THADA: variants seen among roughly 807,000 people sequenced by gnomAD.
THADA encodes the protein tRNA (32-2'-O)-methyltransferase regulator THADA.
Under a neutral mutation model 219.8 loss-of-function variants are expected in THADA, and 213 were observed. The observed-to-expected ratio is 0.97, with a 90% CI of 0.87 to 1.09. THADA has a LOEUF of 1.09. Ranked by LOEUF, THADA falls within the 50% of genes least tolerant of loss-of-function variation. The pLI is 0.00. For missense variants in THADA, 2,956 were observed against 2,311.3 expected, an observed-to-expected ratio of 1.28 and a Z score of -5.72; for synonymous variants, 1,018 against 828.9, an observed-to-expected ratio of 1.23 and a Z score of -3.92.
chr2:43,322,549 A>C (rs1016041572), intron 30 of THADA, among the ~76,000 whole-genome samples: 4 of 151,522 alleles, frequency 2.6e-5, no homozygotes, highest in Admixed American at 2.6e-4. Context: ...ATAATTGAAA[A>C]AGCACAAAAG....
In THADA at chr2:43,440,226, T is replaced by C. The variant is rs1573657667; in HGVS notation, c.3837-9924A>G. Among the ~76,000 whole-genome samples, 3 of 152,328 alleles carry C rather than the reference T, an allele frequency of 2.0e-5. No homozygotes were observed. The South Asian group carries it at 6.2e-4, about 32-fold the overall frequency. On this transcript the variant is annotated intron_variant, in intron 26 of 37. Coordinates refer to ENST00000405975, the MANE Select transcript of THADA (RefSeq NM_022065.5). Reference sequence around the variant, plus strand: ...TATACACTTTTCTGCACCTTGAGTTTTTTTTCACCTAATCTGCAAAATTAT... The same window carrying C: ...TATACACTTTTCTGCACCTTGAGTTCTTTTTCACCTAATCTGCAAAATTAT...
rs374567530 is a variant in THADA, at chr2:43,575,019, T to C, written c.1046A>G (p.Glu349Gly). Residue 349 changes from glutamate to glycine, a missense_variant, in exon 11 of 38, where the codon GAG becomes GGG. Coordinates refer to ENST00000405975, the MANE Select transcript of THADA (RefSeq NM_022065.5). The part of the protein sequence containing the change: ...VLFTLSSQIK[E>G]PTLEMFLSRI... ...AGACAGAAACATTTCCAGCGTTGGCTCTTTAATCCTGAAGAAAAATGAGCC... is the reference window on the plus strand; with the variant it reads ...AGACAGAAACATTTCCAGCGTTGGCCCTTTAATCCTGAAGAAAAATGAGCC... The C allele has an allele frequency of 1.0e-4, 166 of 1,599,094 alleles. 1 individual carries two copies. The African/African-American group carries it at 2.1e-3, about 20-fold the overall frequency.
chr2:43,564,587 G>C (rs1184111303), intron 15 of THADA: 2 of 152,192 alleles, frequency 1.3e-5, no homozygotes, highest in African/African-American at 4.8e-5. Context: ...TATCTGCAAG[G>C]ACCCTTCTTC....
At chr2:43,359,647 T>C (rs964442421) in intron 29 of THADA, among the ~76,000 whole-genome samples, 2 of 152,226 alleles carry the variant, frequency 1.3e-5, no homozygotes, top group Admixed American at 1.3e-4. Flanking sequence ...GCCACTGCAC[T>C]CCAGCCTAGG....
chr2:43,285,079 G>A (rs1194875530), intron 35 of THADA, among the ~76,000 whole-genome samples: 4 of 152,202 alleles, frequency 2.6e-5, no homozygotes, highest in African/African-American at 7.2e-5. Context: ...AGGCTCATGG[G>A]TGGAAGGGAG....
intron 36 of THADA, among the ~76,000 whole-genome samples, chr2:43,233,649 G>A (rs376491332): frequency 6.6e-6 from 1 of 152,120 alleles, no homozygotes; most frequent in Non-Finnish European, 1.5e-5. Flanking sequence ...GGCACTGAAA[G>A]AATAGAAGGG....
At chr2:43,591,045 G>A in intron 3 of THADA, 91 bp from the exon 4 acceptor site, 1 of 1,250,570 alleles carries the variant, frequency 8.0e-7, no homozygotes, top group Non-Finnish European at 1.1e-6. Context: ...CAATTGCTGG[G>A]TACAGTGGCT....
At chr2:43,395,182 G>GTGGA (rs1673877359) in intron 29 of THADA, among the ~76,000 whole-genome samples, 2 of 152,254 alleles carry the variant, frequency 1.3e-5, no homozygotes, top group Admixed American at 6.5e-5. Flanking sequence ...TCAGCCAAGA[G>GTGGA]TGGATCTTCA....
intron 17 of THADA, among the ~76,000 whole-genome samples, chr2:43,552,571 T>G (rs925236762): frequency 6.6e-6 from 1 of 152,158 alleles, no homozygotes; most frequent in Non-Finnish European, 1.5e-5. Flanking sequence ...CTCTTAGTCC[T>G]TCCTCCTAAA....
At chr2:43,294,641 G>T (rs949106504) in intron 31 of THADA, among the ~76,000 whole-genome samples, 21 of 152,178 alleles carry the variant, frequency 1.4e-4, no homozygotes, top group African/African-American at 4.6e-4. Context: ...AGTAAGGTCA[G>T]GGGCCCATTT....
chr2:43,461,065 C>A (rs976569471), intron 26 of THADA, among the ~76,000 whole-genome samples: 1 of 152,144 alleles, frequency 6.6e-6, no homozygotes, highest in Non-Finnish European at 1.5e-5. Flanking sequence ...GAGCAAAAAC[C>A]TCTCGTAGAA....
chr2:43,347,213 CCT>C (rs1667728121), intron 29 of THADA, among the ~76,000 whole-genome samples: 1 of 152,104 alleles, frequency 6.6e-6, no homozygotes, highest in African/African-American at 2.4e-5. Flanking sequence ...GGCAACTTAA[CCT>C]CTGTTTCTCC....
At chr2:43,532,491 T>A (rs1442375041) in intron 21 of THADA, among the ~76,000 whole-genome samples, 1 of 147,112 alleles carries the variant, frequency 6.8e-6, no homozygotes, top group Non-Finnish European at 1.5e-5. Flanking sequence ...GCAGAACCAA[T>A]GACAAAAACC....
At chr2:43,358,114 G>A (rs1371638036) in intron 29 of THADA, among the ~76,000 whole-genome samples, 1 of 152,164 alleles carries the variant, frequency 6.6e-6, no homozygotes, top group Non-Finnish European at 1.5e-5. Flanking sequence ...CTTGGTGGGG[G>A]AGGACGGTGC....
intron 31 of THADA, among the ~76,000 whole-genome samples, chr2:43,315,436 C>A (rs1677962696): frequency 6.6e-6 from 1 of 152,088 alleles, no homozygotes; most frequent in South Asian, 2.1e-4. Context: ...AAAGTGAATG[C>A]ATCTCCAGTT....
intron 36 of THADA, among the ~76,000 whole-genome samples, chr2:43,260,890 G>T (rs1670854645): frequency 6.6e-6 from 1 of 152,062 alleles, no homozygotes; most frequent in Admixed American, 6.5e-5. Flanking sequence ...TTTTAAGTCT[G>T]GTATTTAAAT....
In THADA at chr2:43,355,787, A is replaced by G. The variant is rs140226225; in HGVS notation, c.4228-11550T>C. The stretch of plus-strand genomic sequence containing the variant: ...TGCAGACACAGTTAATTTTAATGCA[A>G]TAAAGGAGAAGGGGAACTGATAGTG... On this transcript the variant is annotated intron_variant, in intron 29 of 37. Coordinates refer to ENST00000405975, the MANE Select transcript of THADA (RefSeq NM_022065.5). Among the ~76,000 whole-genome samples, 892 of 152,334 alleles carry G rather than the reference A, an allele frequency of 5.9e-3. 16 individuals are homozygous for G. The highest frequency in any genetic ancestry group is 0.02 in the African/African-American group (838 of 41,566).
rs70963397 is a variant in THADA, at chr2:43,427,503, TTGTGTG to T, written c.4058+591_4058+596del. Among the ~76,000 whole-genome samples the T allele has an allele frequency of 5.7e-3, 800 of 140,626 alleles. 3 individuals carry two copies. Among genetic ancestry groups the T allele is most frequent in the African/African-American group, 0.02 (758 of 37,700 alleles). The allele number at this position is 140,626 out of a possible 152,430, so 92.3% of individuals were successfully genotyped here. A position where few individuals can be genotyped will look rare whatever the true frequency, so the allele number is the denominator to read the frequency against. ...GCTTTCACAAGACCCCTCCCAAAGT[TTGTGTG>T]TGTGTGTGTGTGTGTGTGTGTGTGT... is the stretch of plus-strand genomic sequence containing the variant. On this transcript the variant is annotated intron_variant, in intron 28 of 37. Transcript: ENST00000405975.
At position 43,549,227 on chromosome 2, in the gene THADA, G is replaced by C. The variant is rs772014934; in HGVS notation, c.3089C>G (p.Thr1030Ser). 3 of 1,577,442 alleles carry C rather than the reference G, an allele frequency of 1.9e-6. No homozygotes were observed. In the South Asian group the frequency reaches 3.5e-5, roughly 19 times the overall value. ...CAAGTTACCTTTGATTTCTGTAGAA[G>C]TATCAATATTCACCACACTAGCATT... Reference protein sequence around the residue: ...DLNASVVNIDTSTEIKGKEVK... With the variant: ...DLNASVVNIDSSTEIKGKEVK... The change falls in exon 20 of 38, where the codon ACT becomes AGT. Residue 1030 changes from threonine to serine, a missense_variant. Thr to Ser is a moderately conservative substitution (Grantham distance 58). Transcript: ENST00000405975.
Sources: gnomAD v4.1 joint callset for allele counts (sites outside exome capture counted in the v4.1 genomes callset) on GRCh38, gnomAD v4.1.1 for gene constraint, MANE v1.5 for transcripts, NCBI Gene and HGNC (gene_info 2026-07-23, HGNC 2026-07-21) for gene names.